The following ATRNL1 variants were observed in gnomAD, a reference collection of about 807,000 sequenced individuals.
ATRNL1 encodes attractin like 1.
In ATRNL1, 95 loss-of-function variants were observed where a neutral mutation model predicts 182.7. That is an observed-to-expected ratio of 0.52 (90% CI 0.44 to 0.62). The LOEUF is 0.62. ATRNL1 is among the 20% of genes least tolerant of loss of function. ATRNL1 has a pLI of 0.00. For synonymous variants in ATRNL1, 576 were observed against 568.3 expected, an observed-to-expected ratio of 1.01 and a Z score of -0.19; for missense variants, 1,471 against 1,679.5, an observed-to-expected ratio of 0.88 and a Z score of 2.17.
chr10:115,299,900 A>G, intron 15 of ATRNL1, 134 bp from the exon 16 acceptor site: 1 of 621,846 alleles, frequency 1.6e-6, no homozygotes, highest in South Asian at 2.2e-5. Flanking sequence ...TATTCTTAGT[A>G]CTAAAACTCA....
rs1419686241 is a variant in ATRNL1 at position 115,948,049 on chromosome 10, T to G, written c.*3270T>G. ...CTATTAATTTTCATCCATCTTTTGGTCGTAGGTAAAGGTCAATCAGGTTTT... is the reference window on the plus strand; with the variant it reads ...CTATTAATTTTCATCCATCTTTTGGGCGTAGGTAAAGGTCAATCAGGTTTT... On this transcript the variant is annotated 3_prime_UTR_variant, in exon 29 of 29. Transcript: ENST00000355044. 1 of 152,206 alleles carries G rather than the reference T, an allele frequency of 6.6e-6. No homozygotes were observed. The highest frequency in any genetic ancestry group is 1.5e-5 in the Non-Finnish European group (1 of 68,036). 9.4% of individuals were successfully genotyped at this position (152,206 alleles called of 1,614,324 possible). A position where few individuals can be genotyped will look rare whatever the true frequency, so the allele number is the denominator to read the frequency against.
chr10:115,816,955 T>C (rs1035165924), intron 27 of ATRNL1, among the ~76,000 whole-genome samples: 1 of 152,150 alleles, frequency 6.6e-6, no homozygotes, highest in African/African-American at 2.4e-5. Flanking sequence ...GAAATTCTGC[T>C]TTTTTAACCT....
At position 115,218,971 on chromosome 10, in the gene ATRNL1, T is replaced by C. The variant is rs573317539; in HGVS notation, c.1532+3091T>C. Among the ~76,000 whole-genome samples the C allele has an allele frequency of 5.3e-5, 8 of 152,260 alleles. No individual in the cohort carries two copies. In the South Asian group the frequency reaches 1.7e-3, roughly 32 times the overall value. On this transcript the variant is annotated intron_variant, in intron 9 of 28. Transcript: ENST00000355044. ...AAGACATGCGGCCGGGTACAGTGGC[T>C]CACGCCTGTAATCCCAACATTTTGG...
intron 26 of ATRNL1, among the ~76,000 whole-genome samples, chr10:115,587,555 G>A (rs1380195271): frequency 2.0e-5 from 3 of 148,110 alleles, no homozygotes; most frequent in Non-Finnish European, 4.5e-5. Context: ...TCTTCGACTA[G>A]GAAAGGGAAC....
Position 115,632,981 on chromosome 10 carries a change from C to T in ATRNL1, c.3795+83445C>T, listed in dbSNP as rs368790993. Among the ~76,000 whole-genome samples, 31 of 152,012 alleles carry T rather than the reference C, an allele frequency of 2.0e-4. 1 individual carries two copies. The East Asian group carries it at 5.8e-3, about 29-fold the overall frequency. ...GATCCTAGCTCACTACAACCTCCGC[C>T]TCCCGGATTTAAATGATTCTCATGC... On this transcript the variant is annotated intron_variant, in intron 26 of 28. Transcript: ENST00000355044.
At chr10:115,467,914 T>C (rs570700140) in intron 23 of ATRNL1, among the ~76,000 whole-genome samples, 1 of 150,854 alleles carries the variant, frequency 6.6e-6, no homozygotes, top group African/African-American at 2.4e-5. Flanking sequence ...ATCAAAGGTA[T>C]ACTGTTGCAT....
At chr10:115,798,442 TA>T (rs1482351831) in intron 27 of ATRNL1, among the ~76,000 whole-genome samples, 1 of 152,160 alleles carries the variant, frequency 6.6e-6, no homozygotes, top group African/African-American at 2.4e-5. Context: ...GTCTCAAACA[TA>T]ACTGACTGTG....
At chr10:115,609,538 G>T (rs1439683478) in intron 26 of ATRNL1, among the ~76,000 whole-genome samples, 1 of 152,002 alleles carries the variant, frequency 6.6e-6, no homozygotes, top group African/African-American at 2.4e-5. Context: ...CATTAAAATG[G>T]TGTCAGTCCT....
Position 115,093,653 on chromosome 10 carries a change from G to T in ATRNL1, c.-98G>T, listed in dbSNP as rs782112220. ...CGGGCGCCGGTGAGGAGGAGGAGAA[G>T]CGGCGGCGGAGAGGTTTTCTGCGGC... is the stretch of plus-strand genomic sequence containing the variant. On this transcript the variant is annotated 5_prime_UTR_variant, in exon 1 of 29. Transcript: ENST00000355044. This position sits in a 1 kb window ranked among gnomAD's most constrained non-coding sequence, Gnocchi z 6.1. The T allele has an allele frequency of 7.6e-7, 1 of 1,316,002 alleles. No homozygotes were observed. The highest frequency in any genetic ancestry group is 1.3e-5 in the South Asian group (1 of 77,530). 81.5% of individuals were successfully genotyped at this position (1,316,002 alleles called of 1,614,324 possible). A position where few individuals can be genotyped will look rare whatever the true frequency, so the allele number is the denominator to read the frequency against.
At chr10:115,901,123 T>A (rs113736599) in intron 28 of ATRNL1, among the ~76,000 whole-genome samples, 12 of 152,320 alleles carry the variant, frequency 7.9e-5, no homozygotes, top group African/African-American at 2.6e-4. Context: ...AATATATTAA[T>A]GTCATCATTC....
At chr10:115,592,717 A>T (rs1592914483) in intron 26 of ATRNL1, among the ~76,000 whole-genome samples, 1 of 152,310 alleles carries the variant, frequency 6.6e-6, no homozygotes, top group Admixed American at 6.5e-5. Flanking sequence ...ACTAGAAATC[A>T]TCTGTTTTAT....
intron 26 of ATRNL1, among the ~76,000 whole-genome samples, chr10:115,589,585 C>T (rs1855780690): frequency 6.6e-6 from 1 of 151,982 alleles, no homozygotes; most frequent in Non-Finnish European, 1.5e-5. Flanking sequence ...ACAAAATTTC[C>T]CTCTCCCCCT....
intron 20 of ATRNL1, among the ~76,000 whole-genome samples, chr10:115,417,684 A>T (rs1384395027): frequency 2.0e-5 from 3 of 152,150 alleles, no homozygotes; most frequent in African/African-American, 7.2e-5. Flanking sequence ...CCTGGGAGGC[A>T]TGATTGTCTG....
chr10:115,374,518 C>T (rs1286039016), intron 19 of ATRNL1, among the ~76,000 whole-genome samples: 1 of 140,088 alleles, frequency 7.1e-6, no homozygotes, highest in Admixed American at 7.2e-5. Context: ...CTTCTTCCTT[C>T]TTTCTTTTTT....
At chr10:115,567,131 A>G (rs1220296061) in intron 26 of ATRNL1, among the ~76,000 whole-genome samples, 1 of 152,162 alleles carries the variant, frequency 6.6e-6, no homozygotes, top group Admixed American at 6.6e-5. Context: ...TTAGTTTTCA[A>G]ACTGAACATT....
At chr10:115,847,823 A>G (rs1299744056) in intron 27 of ATRNL1, 54 bp from the exon 28 acceptor site, 2 of 918,960 alleles carry the variant, frequency 2.2e-6, no homozygotes, top group Non-Finnish European at 3.6e-6. Flanking sequence ...GGTGAAAATT[A>G]AAATAGCAAT....
intron 26 of ATRNL1, among the ~76,000 whole-genome samples, chr10:115,604,064 C>A (rs1856754406): frequency 6.6e-6 from 1 of 151,926 alleles, no homozygotes; most frequent in African/African-American, 2.4e-5. Flanking sequence ...ATTTCTGGGT[C>A]TATTGTTTTT....
chr10:115,360,630 T>C (rs1308878607), intron 19 of ATRNL1, among the ~76,000 whole-genome samples: 4 of 151,674 alleles, frequency 2.6e-5, no homozygotes, highest in Non-Finnish European at 5.9e-5. Flanking sequence ...TTAGTTGTGT[T>C]CATTTTTGAG....
intron 27 of ATRNL1, among the ~76,000 whole-genome samples, chr10:115,765,412 A>T (rs1948833239): frequency 6.6e-6 from 1 of 152,166 alleles, no homozygotes; most frequent in Non-Finnish European, 1.5e-5. Context: ...CATTTCTCTG[A>T]TCTACAGAAC....
Sources: gnomAD v4.1 joint callset for allele counts (sites outside exome capture counted in the v4.1 genomes callset) on GRCh38, gnomAD v4.1.1 for gene constraint, Gnocchi (gnomAD v3.1) non-coding constraint, MANE v1.5 for transcripts, NCBI Gene and HGNC (gene_info 2026-07-23, HGNC 2026-07-21) for gene names.